DERL1: variants seen among roughly 807,000 people sequenced by gnomAD.
The protein encoded by DERL1 is derlin 1.
A neutral mutation model predicts 41.6 loss-of-function variants in DERL1; 24 were observed. That is an observed-to-expected ratio of 0.58 (90% confidence interval 0.42 to 0.81). The LOEUF is 0.81. Ranked by LOEUF, DERL1 falls within the 30% of genes least tolerant of loss-of-function variation. The probability of loss-of-function intolerance (pLI) is 0.00; values close to 1 mark genes in which losing one functional copy is unlikely to be tolerated. For synonymous variants in DERL1, 124 were observed against 112.5 expected (o/e 1.10, Z -0.65); for missense variants, 260 against 314.3 (o/e 0.83, Z 1.31).
chr8:123,030,612 A>C lies in DERL1; in HGVS notation c.258T>G (p.Leu86=), dbSNP rs769410199. The C allele has an allele frequency of 6.3e-7, 1 of 1,591,500 alleles. No homozygotes were observed. The highest frequency in any genetic ancestry group is 8.6e-7 in the Non-Finnish European group (1 of 1,165,600). The change falls in exon 2 of 8, where the codon CTT becomes CTG. Residue 86 remains leucine, a synonymous_variant. Transcript: ENST00000259512. The part of the protein sequence containing the change: ...LYFLYQYSTR[L]ETGAFDGRPA... ...CAACTATGGGTAACATACCTGTTTC[A>C]AGTCGCGTAGAATACTGATATAAGA...
rs1013831294 is a variant in DERL1 at position 123,015,690 on chromosome 8, C to T, written c.618-105G>A. ...CCTCCCTCTCCTGCTGTTCCCATGGCACTTGTCATGTTGAAGGCAGCGAGG... is the reference window on the plus strand; with the variant it reads ...CCTCCCTCTCCTGCTGTTCCCATGGTACTTGTCATGTTGAAGGCAGCGAGG... On this transcript the variant is annotated intron_variant, in intron 7 of 7. Transcript: ENST00000259512. 15 of 1,407,562 alleles carry T rather than the reference C, an allele frequency of 1.1e-5. No homozygotes were observed. The African/African-American group carries it at 1.9e-4, about 18-fold the overall frequency. 87.2% of individuals were successfully genotyped at this position (1,407,562 alleles called of 1,614,324 possible). A position where few individuals can be genotyped will look rare whatever the true frequency, so the allele number is the denominator to read the frequency against.
At chr8:123,023,614 A>T (rs75542992) in intron 4 of DERL1, 99 bp downstream of exon 4, 9 of 1,098,318 alleles carry the variant, frequency 8.2e-6, no homozygotes, top group Non-Finnish European at 1.2e-5. Context: ...CCACATAATT[A>T]ACCCCATAGT....
At position 123,042,032 on chromosome 8, in the gene DERL1, G is replaced by C; in HGVS notation, c.91C>G (p.Leu31Val). 1 of 1,613,956 alleles carries C rather than the reference G, an allele frequency of 6.2e-7. No homozygotes were observed. Among genetic ancestry groups the C allele is most frequent in the Non-Finnish European group, 8.5e-7 (1 of 1,179,912 alleles). The change falls in exon 1 of 8, where the codon CTC becomes GTC. Residue 31 changes from leucine to valine, a missense_variant. Transcript: ENST00000259512. ...ATVAVPLVGK[L>V]GLISPAYLFL... ...AGGTAGGCCGGGCTGATGAGGCCGA[G>C]TTTGCCGACCAAGGGCACGGCGACG... is the stretch of plus-strand genomic sequence containing the variant.
At chr8:123,023,591 T>C (rs1337302405) in intron 4 of DERL1, 122 bp downstream of exon 4, 5 of 873,154 alleles carry the variant, frequency 5.7e-6, no homozygotes, top group African/African-American at 1.8e-5. Context: ...TGTAATTCCA[T>C]AATTTCAAAA....
At chr8:123,021,391 CT>C in intron 6 of DERL1, 55 bp downstream of exon 6, 1 of 1,505,388 alleles carries the variant, frequency 6.6e-7, no homozygotes, top group Non-Finnish European at 9.2e-7. Context: ...AAGATAAAAA[CT>C]AATGGAAATT....
Position 123,042,041 on chromosome 8 carries a change from C to G in DERL1, c.82G>C (p.Val28Leu). 2 of 1,613,954 alleles carry G rather than the reference C, an allele frequency of 1.2e-6. No homozygotes were observed. The highest frequency in any genetic ancestry group is 1.7e-6 in the Non-Finnish European group (2 of 1,179,914). Residue 28 changes from valine to leucine, a missense_variant, in exon 1 of 8, where the codon GTC becomes CTC. Coordinates refer to ENST00000259512, the MANE Select transcript of DERL1 (RefSeq NM_024295.6). ...GGGCTGATGAGGCCGAGTTTGCCGA[C>G]CAAGGGCACGGCGACGGTGGCGGCG... ...WFAATVAVPL[V>L]GKLGLISPAY...
chr8:123,022,556 A>G, intron 5 of DERL1, 128 bp downstream of exon 5: 1 of 806,658 alleles, frequency 1.2e-6, no homozygotes, highest in Non-Finnish European at 2.0e-6. Flanking sequence ...GAGGGCAGAA[A>G]GGGGCTTGCC....
Position 123,042,256 on chromosome 8 carries a change from C to A in DERL1, c.-134G>T, listed in dbSNP as rs537972273. 6.5e-5 allele frequency: 80 copies of A among 1,222,592 alleles called. No homozygotes were observed. In the East Asian group the frequency reaches 2.3e-3, roughly 36 times the overall value. The allele number at this position is 1,222,592 out of a possible 1,614,324, so 75.7% of individuals were successfully genotyped here. The stretch of plus-strand genomic sequence containing the variant: ...GAAGCCGCGATGCAGAAGGCGGAGA[C>A]GGGCGGACGTGGCGCCACCGAATTC... On this transcript the variant is annotated 5_prime_UTR_variant, in exon 1 of 8. Coordinates refer to ENST00000259512, the MANE Select transcript of DERL1 (RefSeq NM_024295.6).
intron 1 of DERL1, among the ~76,000 whole-genome samples, chr8:123,037,300 C>T (rs1812948384): frequency 6.6e-6 from 1 of 152,142 alleles, no homozygotes. Flanking sequence ...TGAAGGTACT[C>T]GTTCCTGTGT....
intron 1 of DERL1, 65 bp downstream of exon 1, chr8:123,041,905 A>G (rs1813083609): frequency 1.3e-6 from 2 of 1,492,332 alleles, no homozygotes; most frequent in Admixed American, 4.7e-5. Context: ...ATGCCAGCCT[A>G]CGCTTAGCCG....
At chr8:123,022,360 C>T (rs1812576135) in intron 5 of DERL1, among the ~76,000 whole-genome samples, 2 of 152,002 alleles carry the variant, frequency 1.3e-5, no homozygotes, top group Non-Finnish European at 2.9e-5. Flanking sequence ...TAACAGGGAA[C>T]GAGGGAGGGA....
In DERL1 at chr8:123,042,051, G is replaced by C. The variant is rs1586476340; in HGVS notation, c.72C>G (p.Ala24=). The C allele has an allele frequency of 6.2e-7, 1 of 1,613,894 alleles. No individual in the cohort carries two copies. The highest frequency in any genetic ancestry group is 8.5e-7 in the Non-Finnish European group (1 of 1,179,924). The change falls in exon 1 of 8, where the codon GCC becomes GCG. Residue 24 remains alanine (A), a synonymous_variant. Transcript: ENST00000259512. ...GGCCGAGTTTGCCGACCAAGGGCAC[G>C]GCGACGGTGGCGGCGAACCAATAGC... ...ITRYWFAATV[A]VPLVGKLGLI...
Position 123,015,461 on chromosome 8 carries a change from G to A in DERL1, c.742C>T (p.Leu248Phe), listed in dbSNP as rs1372615690. ...AGGCCGCCCCTTCACTGGTCTCCAA[G>A]TCGAAAGCCCTGGCCCCAGTTGTGT... ...GRHNWGQGFR[L>F]GDQ The change falls in exon 8 of 8, where the codon CTT becomes TTT. Residue 248 changes from leucine (L) to phenylalanine (F), a missense_variant. Coordinates refer to ENST00000259512, the MANE Select transcript of DERL1 (RefSeq NM_024295.6). 6.2e-7 allele frequency: 1 copy of A among 1,612,958 alleles called. No homozygotes were observed. Among genetic ancestry groups the A allele is most frequent in the Non-Finnish European group, 8.5e-7 (1 of 1,179,582 alleles).
At chr8:123,024,729 G>T (rs1439071400) in intron 3 of DERL1, among the ~76,000 whole-genome samples, 1 of 152,034 alleles carries the variant, frequency 6.6e-6, no homozygotes, top group East Asian at 1.9e-4. Context: ...AGAGAACTGG[G>T]AACAAGAAGA....
chr8:123,018,588 G>A (rs1466804400), intron 7 of DERL1: 1 of 152,162 alleles, frequency 6.6e-6, no homozygotes, highest in East Asian at 1.9e-4. Flanking sequence ...AGGGGACTGG[G>A]ATTCAAATCC....
chr8:123,034,254 G>A (rs144537082), intron 1 of DERL1, among the ~76,000 whole-genome samples: 60 of 152,250 alleles, frequency 3.9e-4, no homozygotes, highest in African/African-American at 1.4e-3. Context: ...GAAATGCAAT[G>A]TGCATACCAA....
chr8:123,020,635 T>A (rs973593239), intron 6 of DERL1, among the ~76,000 whole-genome samples: 1 of 151,582 alleles, frequency 6.6e-6, no homozygotes, highest in Non-Finnish European at 1.5e-5. Flanking sequence ...GACTAGATAT[T>A]TGACCCTGGT....
chr8:123,020,838 C>T (rs563713773), intron 6 of DERL1, among the ~76,000 whole-genome samples: 20 of 147,892 alleles, frequency 1.4e-4, no homozygotes, highest in South Asian at 2.2e-4. Context: ...TGGAGGCGGG[C>T]GCCTGTAATC....
intron 5 of DERL1, among the ~76,000 whole-genome samples, 178 bp downstream of exon 5, chr8:123,022,506 C>G (rs573586106): frequency 1.3e-5 from 2 of 152,194 alleles, no homozygotes; most frequent in East Asian, 3.9e-4. Flanking sequence ...AGGCCAGCAA[C>G]GGACTCCAGG....
Sources: gnomAD v4.1 joint callset for allele counts (sites outside exome capture counted in the v4.1 genomes callset) on GRCh38, gnomAD v4.1.1 for gene constraint, MANE v1.5 for transcripts, NCBI Gene and HGNC (gene_info 2026-07-23, HGNC 2026-07-21) for gene names.